ILDR1: variants seen among roughly 807,000 people sequenced by gnomAD.
ILDR1 encodes immunoglobulin like domain containing receptor 1.
A neutral mutation model predicts 62.4 loss-of-function variants in ILDR1; 56 were observed. The observed-to-expected ratio is 0.90, with a 90% CI of 0.72 to 1.12. The LOEUF (loss-of-function observed/expected upper bound fraction) is 1.12, where lower values mean the gene tolerates loss of function less well. Ranked by LOEUF, ILDR1 falls within the 50% of genes most tolerant of loss-of-function variation. The pLI is 0.00. For missense variants in ILDR1, 736 were observed against 710.6 expected (o/e 1.04, Z -0.41); for synonymous variants, 284 against 277.8 (o/e 1.02, Z -0.22).
intron 1 of ILDR1, among the ~76,000 whole-genome samples, chr3:122,010,568 T>C (rs2107670205): frequency 6.6e-6 from 1 of 152,342 alleles, no homozygotes; most frequent in South Asian, 2.1e-4. Context: ...ATCTAATTTT[T>C]GGTTCTTGTT....
At chr3:122,017,527 C>T (rs1344379459) in intron 1 of ILDR1, among the ~76,000 whole-genome samples, 1 of 152,152 alleles carries the variant, frequency 6.6e-6, no homozygotes, top group Admixed American at 6.5e-5. Flanking sequence ...GTTAGACATC[C>T]AGGAAGCAGA....
chr3:122,032,983 G>A, the ILDR1 span, among the ~76,000 whole-genome samples: 4 of 152,236 alleles, frequency 2.6e-5, no homozygotes, highest in Non-Finnish European at 4.4e-5. Context: ...GAGGAAACAT[G>A]TTTGTTGTTT....
At chr3:122,038,249 G>A in the ILDR1 span, among the ~76,000 whole-genome samples, 1 of 152,210 alleles carries the variant, frequency 6.6e-6, no homozygotes. Flanking sequence ...AGCTCAGAGA[G>A]TTGCAAGAGA....
chr3:121,997,131 C>T (rs2071448733), intron 5 of ILDR1, among the ~76,000 whole-genome samples: 1 of 152,270 alleles, frequency 6.6e-6, no homozygotes, highest in South Asian at 2.1e-4. Flanking sequence ...GAACTCCTGA[C>T]CTCAGGCGAT....
Position 122,001,457 on chromosome 3 carries a change from G to T in ILDR1, c.500-3C>A, listed in dbSNP as rs2071523994. Reference sequence around the variant, plus strand: ...GATGAAGATCACTGTCAGCCAGTCTGCAGGGGAGAAGCCAAGCAGGGGTTG... The same window carrying T: ...GATGAAGATCACTGTCAGCCAGTCTTCAGGGGAGAAGCCAAGCAGGGGTTG... On this transcript the variant is annotated splice_polypyrimidine_tract_variant and splice_region_variant and intron_variant, in intron 4 of 7. Coordinates refer to ENST00000344209, the MANE Select transcript of ILDR1 (RefSeq NM_001199799.2). The T allele has an allele frequency of 1.9e-6, 3 of 1,614,018 alleles. No individual in the cohort carries two copies. The highest frequency in any genetic ancestry group is 2.7e-5 in the African/African-American group (2 of 74,918).
the ILDR1 span, among the ~76,000 whole-genome samples, chr3:122,027,997 A>G: frequency 6.6e-6 from 1 of 152,104 alleles, no homozygotes; most frequent in Admixed American, 6.5e-5. Context: ...ATTAGAATTG[A>G]GTAAAATTGT....
chr3:122,006,039 G>A (rs919297253), intron 2 of ILDR1, among the ~76,000 whole-genome samples: 6 of 151,904 alleles, frequency 3.9e-5, no homozygotes, highest in African/African-American at 1.5e-4. Flanking sequence ...ACTTAACCCA[G>A]GCATTTTAAG....
chr3:122,005,014 A>G (rs1212332950), intron 3 of ILDR1, among the ~76,000 whole-genome samples: 1 of 152,218 alleles, frequency 6.6e-6, no homozygotes, highest in African/African-American at 2.4e-5. Context: ...AGCCAAAGCT[A>G]TAGATAGCAA....
the ILDR1 span, among the ~76,000 whole-genome samples, chr3:122,047,973 G>A: frequency 2.0e-5 from 3 of 152,304 alleles, no homozygotes; most frequent in South Asian, 4.1e-4. Context: ...TGTTTGGCTA[G>A]GGCATCCAGC....
the ILDR1 span, among the ~76,000 whole-genome samples, chr3:122,048,842 C>T: frequency 6.6e-6 from 1 of 152,016 alleles, no homozygotes; most frequent in Non-Finnish European, 1.5e-5. Context: ...TGCTACGTTG[C>T]CCAGGCTGGT....
intron 1 of ILDR1, among the ~76,000 whole-genome samples, chr3:122,019,353 T>A (rs1006908986): frequency 2.6e-5 from 4 of 152,208 alleles, no homozygotes; most frequent in African/African-American, 9.7e-5. Context: ...TAATAAAATT[T>A]TTGTGATCAT....
intron 1 of ILDR1, among the ~76,000 whole-genome samples, chr3:122,019,378 A>T (rs1386932760): frequency 1.3e-5 from 2 of 152,138 alleles, no homozygotes; most frequent in African/African-American, 4.8e-5. Context: ...CTTCCATTTT[A>T]TAAACTGTAT....
rs994421327 is a variant in ILDR1, at chr3:122,005,344, G to C, written c.279C>G (p.Asn93Lys). ...SLGQDPSNDC[N>K]DNQREVRIVA... ...CTATGCGAACTTCCCGCTGGTTGTCGTTGCAGTCATTGGATGGGTCCTGGC... is the reference window on the plus strand; with the variant it reads ...CTATGCGAACTTCCCGCTGGTTGTCCTTGCAGTCATTGGATGGGTCCTGGC... The change falls in exon 3 of 8, where the codon AAC becomes AAG. Residue 93 changes from asparagine (N) to lysine (K), a missense_variant. Asn to Lys is a moderately conservative substitution (Grantham distance 94, BLOSUM62 0). Transcript: ENST00000344209. 9 of 1,614,010 alleles carry C rather than the reference G, an allele frequency of 5.6e-6. No individual in the cohort carries two copies. The highest frequency in any genetic ancestry group is 4.2e-6 in the Non-Finnish European group (5 of 1,180,010).
the ILDR1 span, among the ~76,000 whole-genome samples, chr3:122,047,429 A>G: frequency 3.9e-5 from 6 of 152,160 alleles, no homozygotes; most frequent in South Asian, 2.1e-4. Context: ...TCCTTGAGCT[A>G]TGGTGGGCTC....
At chr3:122,037,921 C>CCTCTCT in the ILDR1 span, among the ~76,000 whole-genome samples, 1 of 149,352 alleles carries the variant, frequency 6.7e-6, no homozygotes, top group African/African-American at 2.5e-5. Context: ...TGTGGTACTT[C>CCTCTCT]CTCTCTCTCT....
chr3:122,037,533 C>T, the ILDR1 span, among the ~76,000 whole-genome samples: 4 of 152,302 alleles, frequency 2.6e-5, no homozygotes, highest in Admixed American at 2.6e-4. Context: ...GGAATGGGAG[C>T]ATTTACCCAA....
intron 1 of ILDR1, among the ~76,000 whole-genome samples, chr3:122,013,868 A>G (rs2071739325): frequency 6.6e-6 from 1 of 152,188 alleles, no homozygotes; most frequent in Non-Finnish European, 1.5e-5. Flanking sequence ...TGTGCTGAGC[A>G]CTTACTATGT....
the ILDR1 span, among the ~76,000 whole-genome samples, chr3:122,045,076 C>T: frequency 5.3e-5 from 8 of 152,214 alleles, no homozygotes; most frequent in African/African-American, 1.7e-4. Context: ...TTTCCCTCTA[C>T]ACACTGCTTT....
In ILDR1 at chr3:121,999,824, C is replaced by T. The variant is rs548004752; in HGVS notation, c.646+1484G>A. Among the ~76,000 whole-genome samples the T allele has an allele frequency of 7.8e-4, 119 of 152,210 alleles. 2 individuals are homozygous for T. Among genetic ancestry groups the T allele is most frequent in the Middle Eastern group, 3.4e-3 (1 of 294 alleles). ...TGACCACCCCTTTCAAAAGACTCCACGTGGATAATGTCAATTACTAGTTTA... is the reference window on the plus strand; with the variant it reads ...TGACCACCCCTTTCAAAAGACTCCATGTGGATAATGTCAATTACTAGTTTA... On this transcript the variant is annotated intron_variant, in intron 5 of 7. Transcript: ENST00000344209.
Sources: gnomAD v4.1 joint callset for allele counts (sites outside exome capture counted in the v4.1 genomes callset) on GRCh38, gnomAD v4.1.1 for gene constraint, MANE v1.5 for transcripts, NCBI Gene and HGNC (gene_info 2026-07-23, HGNC 2026-07-21) for gene names.